The following DAB2IP variants were observed in gnomAD, a reference collection of about 807,000 sequenced individuals.
The protein encoded by DAB2IP is disabled homolog 2-interacting protein.
Under a neutral mutation model 107.2 loss-of-function variants are expected in DAB2IP, and 28 were observed. The observed-to-expected ratio is 0.26, with a 90% CI of 0.19 to 0.36. The LOEUF (loss-of-function observed/expected upper bound fraction) is 0.36. DAB2IP is among the 10% of genes least tolerant of loss of function. The pLI is 1.00. For synonymous variants in DAB2IP, 755 were observed against 706.4 expected, an observed-to-expected ratio of 1.07 and a Z score of -1.09; for missense variants, 1,400 against 1,644.7, an observed-to-expected ratio of 0.85 and a Z score of 2.57.
At chr9:121,598,469 GGTGCCGCGGAGGGTGGCA>G (rs1330802313) in intron 1 of DAB2IP, 3 of 152,232 alleles carry the variant, frequency 2.0e-5, no homozygotes, top group Non-Finnish European at 2.9e-5. Context: ...TGGCCCCACA[GGTGCCGCGGAGGGTGGCA>G]GGCCCGCTGG....
chr9:121,722,249 C>T (rs565821293), intron 3 of DAB2IP, among the ~76,000 whole-genome samples: 37 of 152,276 alleles, frequency 2.4e-4, no homozygotes, highest in Admixed American at 6.5e-4. Flanking sequence ...CTGGGCTGGG[C>T]CAGGAGGGCT....
At chr9:121,667,677 T>A (rs1034676306) in intron 1 of DAB2IP, among the ~76,000 whole-genome samples, 1 of 151,468 alleles carries the variant, frequency 6.6e-6, no homozygotes, top group Non-Finnish European at 1.5e-5. Flanking sequence ...TTTTTTTTTT[T>A]AATACAGATG....
intron 4 of DAB2IP, among the ~76,000 whole-genome samples, chr9:121,757,368 C>G (rs960926025): frequency 1.3e-5 from 2 of 152,206 alleles, no homozygotes; most frequent in African/African-American, 2.4e-5. Context: ...TTCCTACTCT[C>G]TAGGTTCTCT....
chr9:121,580,655 C>G, intron 1 of DAB2IP, among the ~76,000 whole-genome samples: 1 of 151,746 alleles, frequency 6.6e-6, no homozygotes, highest in Admixed American at 6.6e-5. Context: ...GATGGAGTCT[C>G]GCTCTGTTGC....
intron 8 of DAB2IP, among the ~76,000 whole-genome samples, 199 bp from the exon 9 acceptor site, chr9:121,766,295 C>T (rs1834270647): frequency 6.6e-6 from 1 of 152,242 alleles, no homozygotes; most frequent in Non-Finnish European, 1.5e-5. Context: ...TGCTCCTCCT[C>T]CTGCCTGGGC....
chr9:121,778,277 C>T (rs1564233704), intron 14 of DAB2IP, among the ~76,000 whole-genome samples: 1 of 152,120 alleles, frequency 6.6e-6, no homozygotes. Context: ...CTCTCAAAAC[C>T]CCTACCTATT....
chr9:121,694,500 TC>T (rs1197116461), intron 2 of DAB2IP, among the ~76,000 whole-genome samples: 2 of 152,056 alleles, frequency 1.3e-5, no homozygotes, highest in African/African-American at 2.4e-5. Context: ...AATGAAGAAA[TC>T]ACGTGTCTTG....
At chr9:121,567,263 T>G in intron 1 of DAB2IP, 1 of 1,613,584 alleles carries the variant, frequency 6.2e-7, no homozygotes, top group East Asian at 2.2e-5. Flanking sequence ...GAGTTGGGGG[T>G]TTCAGCCTCT....
In DAB2IP at chr9:121,701,909, G is replaced by A. The variant is rs1052806905; in HGVS notation, c.362+2451G>A. 6.6e-6 allele frequency among the ~76,000 whole-genome samples: 1 copy of A among 152,150 alleles called. No homozygotes were observed. Among genetic ancestry groups the A allele is most frequent in the Admixed American group, 6.5e-5 (1 of 15,278 alleles). Reference sequence around the variant, plus strand: ...AGCAGCAAGGAAGGGTTGTGTCCTGGCTCCATGGGACCCCCACTGGCTGCC... The same window carrying A: ...AGCAGCAAGGAAGGGTTGTGTCCTGACTCCATGGGACCCCCACTGGCTGCC... On this transcript the variant is annotated intron_variant, in intron 3 of 15. Coordinates refer to ENST00000408936, the Ensembl canonical transcript of DAB2IP. This position sits in a 1 kb window ranked among gnomAD's most constrained non-coding sequence, Gnocchi z 4.7.
intron 1 of DAB2IP, among the ~76,000 whole-genome samples, chr9:121,582,150 T>C (rs1156724337): frequency 6.6e-6 from 1 of 152,122 alleles, no homozygotes; most frequent in Non-Finnish European, 1.5e-5. Flanking sequence ...GAAAGGGGGT[T>C]GGAAGCTAAT....
chr9:121,754,247 T>G (rs1833323420), intron 3 of DAB2IP, among the ~76,000 whole-genome samples: 1 of 152,154 alleles, frequency 6.6e-6, no homozygotes, highest in Admixed American at 6.5e-5. Flanking sequence ...TGGGCCCAGA[T>G]GAGGGAGGGA....
At chr9:121,700,235 G>T (rs1453821473) in intron 3 of DAB2IP, among the ~76,000 whole-genome samples, 1 of 152,110 alleles carries the variant, frequency 6.6e-6, no homozygotes, top group Admixed American at 6.5e-5. Flanking sequence ...AGGGGAGAGG[G>T]AGGAGGAGGT....
intron 1 of DAB2IP, among the ~76,000 whole-genome samples, chr9:121,623,886 C>T (rs1267843480): frequency 6.6e-6 from 1 of 152,126 alleles, no homozygotes; most frequent in Non-Finnish European, 1.5e-5. Context: ...TGGGGTTTTG[C>T]CATATTGACC....
At chr9:121,711,255 A>T (rs185705110) in intron 3 of DAB2IP, among the ~76,000 whole-genome samples, 2 of 152,342 alleles carry the variant, frequency 1.3e-5, no homozygotes, top group Non-Finnish European at 2.9e-5. Context: ...AGAGAATTCC[A>T]TAGTCCAAAC....
intron 1 of DAB2IP, among the ~76,000 whole-genome samples, chr9:121,580,507 C>G (rs973841190): frequency 7.2e-5 from 11 of 152,136 alleles, no homozygotes; most frequent in South Asian, 2.1e-4. Flanking sequence ...GAGCCCATCT[C>G]TAAAAACAAA....
In DAB2IP at chr9:121,776,520, T is replaced by G; in HGVS notation, c.3314+129T>G. 9.3e-6 allele frequency: 10 copies of G among 1,078,042 alleles called. No individual in the cohort carries two copies. Among genetic ancestry groups the G allele is most frequent in the African/African-American group, 1.6e-5 (1 of 62,082 alleles). The allele number at this position is 1,078,042 out of a possible 1,614,324, so 66.8% of individuals were successfully genotyped here. On this transcript the variant is annotated intron_variant, in intron 14 of 15. Coordinates refer to ENST00000408936, the Ensembl canonical transcript of DAB2IP. The surrounding 1 kb of genome is among the most constrained non-coding windows in gnomAD (Gnocchi z 5.4). Reference sequence around the variant, plus strand: ...AATGTGGAGAGAGGAGGGAAGAGAGTGTCTGGGCAGTGGGAGCAGCGTGAG... The same window carrying G: ...AATGTGGAGAGAGGAGGGAAGAGAGGGTCTGGGCAGTGGGAGCAGCGTGAG...
intron 1 of DAB2IP, among the ~76,000 whole-genome samples, chr9:121,621,854 C>A (rs1321528885): frequency 2.0e-5 from 3 of 151,068 alleles, no homozygotes; most frequent in African/African-American, 7.3e-5. Context: ...GGGGTTTCAC[C>A]ATATTGGCCA....
chr9:121,744,307 C>T (rs1832567455), intron 3 of DAB2IP, among the ~76,000 whole-genome samples: 4 of 152,172 alleles, frequency 2.6e-5, no homozygotes. Context: ...TGTGTCTGGG[C>T]CAGGAGCGTG....
At chr9:121,587,994 C>T (rs1485613628) in intron 1 of DAB2IP, among the ~76,000 whole-genome samples, 2 of 152,212 alleles carry the variant, frequency 1.3e-5, no homozygotes, top group African/African-American at 2.4e-5. Context: ...GCTGGGTTCT[C>T]TGCCCATGAT....
Sources: gnomAD v4.1 joint callset for allele counts (sites outside exome capture counted in the v4.1 genomes callset) on GRCh38, gnomAD v4.1.1 for gene constraint, Gnocchi (gnomAD v3.1) non-coding constraint, MANE v1.5 for transcripts, NCBI Gene and HGNC (gene_info 2026-07-23, HGNC 2026-07-21) for gene names.